The following SLC2A9 variants were observed in gnomAD, a reference collection of about 807,000 sequenced individuals.
SLC2A9 encodes solute carrier family 2, facilitated glucose transporter member 9.
In SLC2A9, 39 loss-of-function variants were observed where a neutral mutation model predicts 50.6. That is an observed-to-expected ratio of 0.77 (90% CI 0.60 to 1.01). The LOEUF is 1.01. SLC2A9 is among the 50% of genes least tolerant of loss of function. SLC2A9 has a pLI of 0.00. For missense variants in SLC2A9, 686 were observed against 677.6 expected, an observed-to-expected ratio of 1.01 and a Z score of -0.14; for synonymous variants, 324 against 276.9, an observed-to-expected ratio of 1.17 and a Z score of -1.69.
chr4:9,794,807 C>T (rs539236975), downstream of SLC2A9, among the ~76,000 whole-genome samples: 11 of 152,144 alleles, frequency 7.2e-5, no homozygotes, highest in African/African-American at 1.7e-4. Context: ...GTGGTGGCAA[C>T]GAGGGGATCT....
intron 3 of SLC2A9, among the ~76,000 whole-genome samples, chr4:9,780,591 C>G (rs1025694457): frequency 6.6e-6 from 1 of 152,152 alleles, no homozygotes; most frequent in Non-Finnish European, 1.5e-5. Flanking sequence ...TAGACCTCAC[C>G]ATGCTGCAGG....
chr4:9,852,324 C>T (rs920118292), intron 10 of SLC2A9, among the ~76,000 whole-genome samples: 5 of 151,408 alleles, frequency 3.3e-5, no homozygotes, highest in Admixed American at 3.3e-4. Flanking sequence ...GCAATCTCGG[C>T]TCACTGCAAG....
intron 10 of SLC2A9, among the ~76,000 whole-genome samples, chr4:9,849,318 T>A (rs1191855800): frequency 6.6e-6 from 1 of 152,140 alleles, no homozygotes; most frequent in East Asian, 1.9e-4. Context: ...AAACAGTAGT[T>A]CAGAACTCCA....
chr4:10,002,445 G>A (rs1760009787), intron 2 of SLC2A9, among the ~76,000 whole-genome samples: 1 of 152,190 alleles, frequency 6.6e-6, no homozygotes, highest in Admixed American at 6.5e-5. Context: ...CTTTTGTGGT[G>A]GAGCTGCCAA....
chr4:9,895,193 T>C (rs560732147), intron 8 of SLC2A9, among the ~76,000 whole-genome samples: 4 of 152,272 alleles, frequency 2.6e-5, no homozygotes, highest in African/African-American at 7.2e-5. Flanking sequence ...CCCTAAAGTC[T>C]CTTGATGAAC....
intron 3 of SLC2A9, chr4:9,782,512 C>T (rs1423860367): frequency 9.3e-6 from 15 of 1,613,862 alleles, no homozygotes; most frequent in Middle Eastern, 3.3e-4. Flanking sequence ...TGGTCATGGT[C>T]GGCCTGGCAT....
chr4:9,896,450 C>T (rs1738574067), intron 8 of SLC2A9, among the ~76,000 whole-genome samples: 2 of 152,100 alleles, frequency 1.3e-5, no homozygotes, highest in African/African-American at 4.8e-5. Context: ...TTCAAGTGGG[C>T]AGTTGGTCTT....
At chr4:9,857,966 C>T (rs1730990611) in intron 10 of SLC2A9, among the ~76,000 whole-genome samples, 1 of 152,212 alleles carries the variant, frequency 6.6e-6, no homozygotes, top group Non-Finnish European at 1.5e-5. Context: ...GGGGAACAAA[C>T]TTATTGTCCC....
chr4:9,932,051 A>T (rs1320248983), intron 6 of SLC2A9, among the ~76,000 whole-genome samples: 1 of 144,606 alleles, frequency 6.9e-6, no homozygotes, highest in Non-Finnish European at 1.5e-5. Flanking sequence ...TCCAGAACAG[A>T]GGTAGAAACT....
intron 10 of SLC2A9, among the ~76,000 whole-genome samples, chr4:9,848,558 A>T (rs1035302507): frequency 2.0e-5 from 3 of 152,004 alleles, no homozygotes; most frequent in African/African-American, 7.2e-5. Context: ...GAGGGCAGGC[A>T]TCTTGTCTCT....
intron 6 of SLC2A9, among the ~76,000 whole-genome samples, chr4:9,921,080 G>A (rs1295329633): frequency 6.6e-6 from 1 of 152,320 alleles, no homozygotes; most frequent in African/African-American, 2.4e-5. Context: ...AGACCAGTAG[G>A]ATGTCACTTG....
downstream of SLC2A9, among the ~76,000 whole-genome samples, chr4:9,796,849 G>T (rs921052049): frequency 6.6e-6 from 1 of 152,166 alleles, no homozygotes; most frequent in Admixed American, 6.5e-5. Context: ...CAGAGGCCAT[G>T]CAGGAATGTT....
At chr4:9,917,136 G>A (rs1371529737) in intron 7 of SLC2A9, among the ~76,000 whole-genome samples, 2 of 152,100 alleles carry the variant, frequency 1.3e-5, no homozygotes, top group African/African-American at 4.8e-5. Flanking sequence ...TCATGCTGAG[G>A]ACAAACTGCT....
In SLC2A9 at chr4:9,925,594, G is replaced by A. The variant is rs141920144; in HGVS notation, c.815-5022C>T. On this transcript the variant is annotated intron_variant, in intron 6 of 11. Coordinates refer to ENST00000264784, the MANE Select transcript of SLC2A9 (RefSeq NM_020041.3). ...AATAATAAAACCTACCTATGAGGTTGTTTTGGGGAATAAAATCAATGTGTG... is the reference window on the plus strand; with the variant it reads ...AATAATAAAACCTACCTATGAGGTTATTTTGGGGAATAAAATCAATGTGTG... 2.8e-3 allele frequency among the ~76,000 whole-genome samples: 425 copies of A among 152,270 alleles called. 4 individuals are homozygous for A. Among genetic ancestry groups the A allele is most frequent in the African/African-American group, 9.5e-3 (393 of 41,578 alleles).
chr4:9,776,743 A>G (rs929042166), downstream of SLC2A9, among the ~76,000 whole-genome samples: 4 of 152,142 alleles, frequency 2.6e-5, no homozygotes, highest in Non-Finnish European at 5.9e-5. Flanking sequence ...CCGAGTTCTT[A>G]TAACAGGGGC....
chr4:9,981,827 C>T (rs1755931671), intron 4 of SLC2A9, among the ~76,000 whole-genome samples: 2 of 152,052 alleles, frequency 1.3e-5, no homozygotes, highest in African/African-American at 4.8e-5. Context: ...ATTAGCAAGT[C>T]TTAGAGCCTT....
intron 10 of SLC2A9, among the ~76,000 whole-genome samples, chr4:9,870,405 C>T (rs988590740): frequency 6.6e-6 from 1 of 152,176 alleles, no homozygotes; most frequent in African/African-American, 2.4e-5. Context: ...GACCTATGAG[C>T]CTGACAGGTG....
chr4:9,922,174 A>C (rs1396344940), intron 6 of SLC2A9, among the ~76,000 whole-genome samples: 1 of 152,160 alleles, frequency 6.6e-6, no homozygotes, highest in African/African-American at 2.4e-5. Context: ...GGTTGATTCC[A>C]TGTCATTGCT....
At chr4:9,881,697 T>C (rs1300340214) in intron 10 of SLC2A9, among the ~76,000 whole-genome samples, 1 of 152,216 alleles carries the variant, frequency 6.6e-6, no homozygotes, top group African/African-American at 2.4e-5. Context: ...TTGAATTGCC[T>C]GTTTTGTGAG....
Sources: gnomAD v4.1 joint callset for allele counts (sites outside exome capture counted in the v4.1 genomes callset) on GRCh38, gnomAD v4.1.1 for gene constraint, MANE v1.5 for transcripts, NCBI Gene and HGNC (gene_info 2026-07-23, HGNC 2026-07-21) for gene names.